RAB8A: variants seen among roughly 807,000 people sequenced by gnomAD.
RAB8A encodes RAB8A, member RAS oncogene family, also known as ras-related protein Rab-8A.
A neutral mutation model predicts 29.2 loss-of-function variants in RAB8A; 5 were observed. That is an observed-to-expected ratio of 0.17 (90% CI 0.09 to 0.36). RAB8A has a LOEUF of 0.36. RAB8A is among the 10% of genes least tolerant of loss of function. RAB8A has a pLI of 1.00. For synonymous variants in RAB8A, 108 were observed against 99.9 expected (o/e 1.08, Z -0.49); for missense variants, 171 against 272.2 (o/e 0.63, Z 2.62).
intron 1 of RAB8A, among the ~76,000 whole-genome samples, 162 bp downstream of exon 1, chr19:16,112,187 G>A (rs1439989390): frequency 2.0e-5 from 3 of 152,184 alleles, no homozygotes; most frequent in Non-Finnish European, 4.4e-5. Flanking sequence ...GCCGTTCGGG[G>A]GTTCCTGGGC....
chr19:16,118,111 G>A, intron 1 of RAB8A, 115 bp from the exon 2 acceptor site: 2 of 781,940 alleles, frequency 2.6e-6, no homozygotes, highest in South Asian at 1.5e-5. Context: ...CCAGCACCAG[G>A]CAGGGTCTCC....
In RAB8A at chr19:16,129,650, C is replaced by T. The variant is rs758542994; in HGVS notation, c.531+46C>T. ...GATCCCCGGGTGGATCTCTGGGATC[C>T]AGCCATCGTCGTTAGCAGCAGTGAT... On this transcript the variant is annotated intron_variant, in intron 7 of 7. Transcript: ENST00000300935. 19 of 1,592,248 alleles carry T rather than the reference C, an allele frequency of 1.2e-5. No individual in the cohort carries two copies. In the East Asian group the frequency reaches 2.0e-4, roughly 17 times the overall value.
chr19:16,132,267 A>G lies in RAB8A; in HGVS notation c.587A>G (p.Gln196Arg). The G allele has an allele frequency of 6.2e-7, 1 of 1,614,110 alleles. No homozygotes were observed. Among genetic ancestry groups the G allele is most frequent in the African/African-American group, 1.3e-5 (1 of 75,034 alleles). The part of the protein sequence containing the change: ...NQGVKITPDQ[Q>R]KRSSFFRCVL... ...GGAGTCAAAATCACACCGGACCAGC[A>G]GAAGAGGAGCAGCTTTTTCCGATGT... Residue 196 changes from glutamine (Q) to arginine (R), a missense_variant, in exon 8 of 8, where the codon CAG (glutamine) becomes CGG (arginine). Physicochemically the swap from Gln to Arg is conservative, Grantham distance 43 (BLOSUM62 1). Transcript: ENST00000300935. The surrounding 1 kb of genome is among the most constrained non-coding windows in gnomAD (Gnocchi z 5.6).
At chr19:16,131,193 A>C (rs528136803) in intron 7 of RAB8A, among the ~76,000 whole-genome samples, 1 of 152,232 alleles carries the variant, frequency 6.6e-6, no homozygotes, top group East Asian at 1.9e-4. Flanking sequence ...GGGCTCAAGC[A>C]GTTCTTCTGC....
chr19:16,129,443 C>T, intron 6 of RAB8A, 111 bp from the exon 7 acceptor site: 2 of 1,066,446 alleles, frequency 1.9e-6, no homozygotes, highest in Non-Finnish European at 2.9e-6. Context: ...ATCAAAGGGC[C>T]AAATGGGAGG....
In RAB8A at chr19:16,122,226, T is replaced by C. The variant is rs1017061641; in HGVS notation, c.246+416T>C. 6.8e-5 allele frequency: 11 copies of C among 162,514 alleles called. No individual in the cohort carries two copies. The highest frequency in any genetic ancestry group is 6.2e-4 in the Admixed American group (10 of 16,086). The allele number at this position is 162,514 out of a possible 1,614,324, so 10.1% of individuals were successfully genotyped here. ...ACCTGCCCTGGGCTGTCGGCCGTTATATCCGTCACCCAGGCCTGAGGCGGG... is the reference window on the plus strand; with the variant it reads ...ACCTGCCCTGGGCTGTCGGCCGTTACATCCGTCACCCAGGCCTGAGGCGGG... On this transcript the variant is annotated intron_variant, in intron 3 of 7. Coordinates refer to ENST00000300935, the MANE Select transcript of RAB8A (RefSeq NM_005370.5). This position sits in a 1 kb window ranked among gnomAD's most constrained non-coding sequence, Gnocchi z 4.7.
chr19:16,120,059 C>T (rs931180150), intron 2 of RAB8A, among the ~76,000 whole-genome samples: 3 of 152,040 alleles, frequency 2.0e-5, no homozygotes, highest in African/African-American at 4.8e-5. Flanking sequence ...GTGATCCACC[C>T]GCCTCGGCCT....
At position 16,125,800 on chromosome 19, in the gene RAB8A, A is replaced by G. The variant is rs1272871485; in HGVS notation, c.324+253A>G. The G allele has an allele frequency of 1.6e-6, 1 of 621,702 alleles. No homozygotes were observed. Among genetic ancestry groups the G allele is most frequent in the Non-Finnish European group, 3.0e-6 (1 of 338,880 alleles). 38.5% of individuals were successfully genotyped at this position (621,702 alleles called of 1,614,324 possible). ...TAGGCTGTTGGATCTGGCCAGTGTC[A>G]TGGTTATAAGAGAAAGGATATCCAA... is the stretch of plus-strand genomic sequence containing the variant. On this transcript the variant is annotated intron_variant, in intron 4 of 7. Coordinates refer to ENST00000300935, the MANE Select transcript of RAB8A (RefSeq NM_005370.5). The surrounding 1 kb of genome is among the most constrained non-coding windows in gnomAD (Gnocchi z 5.0).
Position 16,127,428 on chromosome 19 carries a change from C to G in RAB8A, c.325-9C>G. Reference sequence around the variant, plus strand: ...GGTCTGATCCCCCGTCTGTCCCCCTCCCTCTCAGCACGCCTCTGCAGACGT... The same window carrying G: ...GGTCTGATCCCCCGTCTGTCCCCCTGCCTCTCAGCACGCCTCTGCAGACGT... On this transcript the variant is annotated splice_polypyrimidine_tract_variant and intron_variant, in intron 4 of 7. Transcript: ENST00000300935. This position sits in a 1 kb window ranked among gnomAD's most constrained non-coding sequence, Gnocchi z 4.8. 6.8e-7 allele frequency: 1 copy of G among 1,475,918 alleles called. No homozygotes were observed. Among genetic ancestry groups the G allele is most frequent in the Non-Finnish European group, 9.0e-7 (1 of 1,112,496 alleles). 91.4% of individuals were successfully genotyped at this position (1,475,918 alleles called of 1,614,324 possible).
rs914687726 is a variant in RAB8A, at chr19:16,122,636, C to T, written c.246+826C>T. 1.8e-4 allele frequency among the ~76,000 whole-genome samples: 27 copies of T among 152,316 alleles called. No homozygotes were observed. Among genetic ancestry groups the T allele is most frequent in the African/African-American group, 5.8e-4 (24 of 41,568 alleles). On this transcript the variant is annotated intron_variant, in intron 3 of 7. Transcript: ENST00000300935. This position sits in a 1 kb window ranked among gnomAD's most constrained non-coding sequence, Gnocchi z 4.7. ...CTGCCTGTTTCCTCGATGAGGGCAG[C>T]GCCACATCCTGGTCCCTGCCATCTG... is the stretch of plus-strand genomic sequence containing the variant.
intron 2 of RAB8A, among the ~76,000 whole-genome samples, chr19:16,118,787 T>G (rs1391193434): frequency 6.6e-6 from 1 of 152,156 alleles, no homozygotes; most frequent in East Asian, 1.9e-4. Context: ...AAACCGAAAT[T>G]AAGCGGAGGG....
In RAB8A at chr19:16,121,779, C is replaced by T; in HGVS notation, c.215C>T (p.Thr72Met). 2.5e-6 allele frequency: 4 copies of T among 1,614,014 alleles called. No homozygotes were observed. Among genetic ancestry groups the T allele is most frequent in the Non-Finnish European group, 3.4e-6 (4 of 1,179,914 alleles). The stretch of plus-strand genomic sequence containing the variant: ...ACAGCCGGTCAGGAACGGTTTCGGA[C>T]GATCACAACGGCCTACTACAGGGGT... ...WDTAGQERFR[T>M]ITTAYYRGAM... The change falls in exon 3 of 8, where the codon ACG becomes ATG. Residue 72 changes from threonine (T) to methionine (M), a missense_variant. Thr to Met is a moderately conservative substitution (Grantham distance 81). Around this residue, in one of 3 missense-constraint regions of RAB8A, gnomAD observed 145 missense variants for 212.8 expected, o/e 0.68. Coordinates refer to ENST00000300935, the MANE Select transcript of RAB8A (RefSeq NM_005370.5).
Position 16,127,465 on chromosome 19 carries a change from T to C in RAB8A, c.353T>C (p.Ile118Thr). 1 of 1,535,480 alleles carries C rather than the reference T, an allele frequency of 6.5e-7. No homozygotes were observed. The highest frequency in any genetic ancestry group is 8.7e-7 in the Non-Finnish European group (1 of 1,145,796). ...EHASADVEKMILGNKCDVNDK... is the reference protein window; with the variant it reads ...EHASADVEKMTLGNKCDVNDK... ...GCCTCTGCAGACGTCGAAAAGATGA[T>C]ACTCGGGAACAAGTGTGATGTGAAT... The change falls in exon 5 of 8, where the codon ATA (isoleucine) becomes ACA (threonine). Residue 118 changes from isoleucine (I) to threonine (T), a missense_variant. Physicochemically the swap from Ile to Thr is moderately conservative, Grantham distance 89 (BLOSUM62 -1). Coordinates refer to ENST00000300935, the MANE Select transcript of RAB8A (RefSeq NM_005370.5). This position sits in a 1 kb window ranked among gnomAD's most constrained non-coding sequence, Gnocchi z 4.8.
chr19:16,112,179 C>T (rs2090826842), intron 1 of RAB8A, among the ~76,000 whole-genome samples, 154 bp downstream of exon 1: 1 of 152,094 alleles, frequency 6.6e-6, no homozygotes, highest in East Asian at 1.9e-4. Context: ...CCTGCACCGC[C>T]GTTCGGGGGT....
chr19:16,124,223 G>C (rs765549832), intron 3 of RAB8A: 1 of 152,200 alleles, frequency 6.6e-6, no homozygotes, highest in Non-Finnish European at 1.5e-5. Context: ...CCATGGTTGC[G>C]GCTGACTGTG....
At chr19:16,128,196 C>A in intron 6 of RAB8A, 105 bp downstream of exon 6, 1 of 1,259,078 alleles carries the variant, frequency 7.9e-7, no homozygotes, top group Non-Finnish European at 1.1e-6. Context: ...GACGGACCAG[C>A]CTCGGGCTCA....
chr19:16,113,619 C>G (rs2090833676), intron 1 of RAB8A, among the ~76,000 whole-genome samples: 2 of 152,166 alleles, frequency 1.3e-5, no homozygotes, highest in Non-Finnish European at 2.9e-5. Flanking sequence ...TCAGGCTGGT[C>G]TCGAACTCCT....
In RAB8A at chr19:16,121,798, CA is replaced by C; in HGVS notation, c.235del (p.Arg79GlyfsTer39). The C allele has an allele frequency of 6.2e-7, 1 of 1,613,894 alleles. No individual in the cohort carries two copies. The highest frequency in any genetic ancestry group is 2.2e-5 in the East Asian group (1 of 44,878). The part of the protein sequence containing the change: ...RFRTITTAYY[R>X]GAMGIMLVYD... ...TTCGGACGATCACAACGGCCTACTA[CA>C]GGGGTGCAATGGTAGGGACTTTTTG... is the stretch of plus-strand genomic sequence containing the variant. On this transcript the variant is annotated frameshift_variant, in exon 3 of 8. Transcript: ENST00000300935. LOFTEE classifies it high-confidence loss of function.
chr19:16,124,143 T>A (rs1320921332), intron 3 of RAB8A: 1 of 152,100 alleles, frequency 6.6e-6, no homozygotes, highest in East Asian at 1.9e-4. Context: ...CATGTCACAG[T>A]CACAGGGTGT....
Sources: gnomAD v4.1 joint callset for allele counts (sites outside exome capture counted in the v4.1 genomes callset) on GRCh38, gnomAD v4.1.1 for gene constraint, gnomAD v4.1.1 regional missense constraint, Gnocchi (gnomAD v3.1) non-coding constraint, MANE v1.5 for transcripts, NCBI Gene and HGNC (gene_info 2026-07-23, HGNC 2026-07-21) for gene names.